AKAP13: variants seen among roughly 807,000 people sequenced by gnomAD.
AKAP13 encodes the protein A-kinase anchor protein 13.
In AKAP13, 80 loss-of-function variants were observed where a neutral mutation model predicts 264.5. That is an observed-to-expected ratio of 0.30 (90% CI 0.25 to 0.36). AKAP13 has a LOEUF of 0.36. AKAP13 is among the 10% of genes least tolerant of loss of function. The probability of loss-of-function intolerance (pLI) is 1.00; values close to 1 mark genes in which losing one functional copy is unlikely to be tolerated. For synonymous variants in AKAP13, 1,380 were observed against 1,250.2 expected (o/e 1.10, Z -2.19); for missense variants, 3,712 against 3,435.2 (o/e 1.08, Z -2.01).
chr15:85,749,212 AGAT>A lies in AKAP13; in HGVS notation c.*4536_*4538del, dbSNP rs1337199839. 1 of 152,272 alleles carries A rather than the reference AGAT, an allele frequency of 6.6e-6. No homozygotes were observed. The highest frequency in any genetic ancestry group is 1.5e-5 in the Non-Finnish European group (1 of 68,046). The allele number at this position is 152,272 out of a possible 1,614,324, so 9.4% of individuals were successfully genotyped here. ...AAAGTGAAGCAGTTTTAAACTGTAAAGATTTTTTTCAGTGTGTTTTCTCGAATT... is the reference window on the plus strand; with the variant it reads ...AAAGTGAAGCAGTTTTAAACTGTAAATTTTTTCAGTGTGTTTTCTCGAATT... On this transcript the variant is annotated 3_prime_UTR_variant, in exon 37 of 37. Coordinates refer to ENST00000394518, the MANE Select transcript of AKAP13 (RefSeq NM_007200.5).
chr15:85,461,220 A>G (rs558984293), intron 1 of AKAP13, among the ~76,000 whole-genome samples: 39 of 152,200 alleles, frequency 2.6e-4, no homozygotes, highest in African/African-American at 8.9e-4. Flanking sequence ...GGTTCAAGCA[A>G]TTCTCCTGCC....
chr15:85,626,224 C>T (rs1455357521), intron 8 of AKAP13, among the ~76,000 whole-genome samples: 2 of 152,228 alleles, frequency 1.3e-5, no homozygotes, highest in South Asian at 2.1e-4. Flanking sequence ...TCTCTAACTG[C>T]TGCTCATTCA....
intron 1 of AKAP13, among the ~76,000 whole-genome samples, chr15:85,425,166 G>A (rs571748005): frequency 6.6e-6 from 1 of 152,228 alleles, no homozygotes; most frequent in Admixed American, 6.5e-5. Context: ...GCTTGATGTA[G>A]GGTTGCCACA....
chr15:85,730,134 A>G lies in AKAP13; in HGVS notation c.7088-379A>G, dbSNP rs375590774. Among the ~76,000 whole-genome samples the G allele has an allele frequency of 1.5e-3, 226 of 152,334 alleles. 1 individual carries two copies. Among genetic ancestry groups the G allele is most frequent in the African/African-American group, 5.2e-3 (217 of 41,582 alleles). ...GTTTTAAAGGAAGAAGTAATCATCA[A>G]TGCTGGAAAAAACAACCTAAAAGAC... On this transcript the variant is annotated intron_variant, in intron 29 of 36. Transcript: ENST00000394518.
chr15:85,676,080 T>G (rs1275029767), intron 14 of AKAP13, among the ~76,000 whole-genome samples: 2 of 151,994 alleles, frequency 1.3e-5, no homozygotes, highest in Non-Finnish European at 2.9e-5. Context: ...CCCAGCTAAT[T>G]TTTTGTATTT....
intron 1 of AKAP13, among the ~76,000 whole-genome samples, chr15:85,417,036 C>A (rs2072272517): frequency 6.6e-6 from 1 of 152,136 alleles, no homozygotes; most frequent in African/African-American, 2.4e-5. Flanking sequence ...TTGTTTCATT[C>A]CTTTCCAAAA....
intron 2 of AKAP13, among the ~76,000 whole-genome samples, chr15:85,503,415 T>C (rs1034928184): frequency 6.6e-6 from 1 of 152,222 alleles, no homozygotes; most frequent in Non-Finnish European, 1.5e-5. Flanking sequence ...AGCAATGCTG[T>C]CCATTCTGTA....
rs1428381623 is a variant in AKAP13 at position 85,618,450 on chromosome 15, TC to T, written c.4162-20922del. ...TGTCAGCAGCTCCTAGAAAGAGAAA[TC>T]CTTTTTTTTTTTTAATCCCTTTTTC... On this transcript the variant is annotated intron_variant, in intron 8 of 36. Coordinates refer to ENST00000394518, the MANE Select transcript of AKAP13 (RefSeq NM_007200.5). Among the ~76,000 whole-genome samples, 6 of 90,706 alleles carry T rather than the reference TC, an allele frequency of 6.6e-5. No individual in the cohort carries two copies. In the East Asian group the frequency reaches 1.8e-3, roughly 28 times the overall value. 59.5% of individuals were successfully genotyped at this position (90,706 alleles called of 152,430 possible).
intron 36 of AKAP13, 105 bp from the exon 37 acceptor site, chr15:85,744,523 C>G (rs1301546255): frequency 1.6e-6 from 2 of 1,231,786 alleles, no homozygotes; most frequent in South Asian, 1.2e-5. Flanking sequence ...GCCCATAAGC[C>G]CCAGTCGCCT....
intron 1 of AKAP13, among the ~76,000 whole-genome samples, chr15:85,396,323 TTCA>T (rs1333372002): frequency 6.6e-6 from 1 of 152,158 alleles, no homozygotes; most frequent in Non-Finnish European, 1.5e-5. Context: ...CTTCAGCAAC[TTCA>T]TCATTGGCAT....
chr15:85,415,685 C>CAGT, intron 1 of AKAP13: 1 of 963,430 alleles, frequency 1.0e-6, no homozygotes, highest in South Asian at 1.4e-5. Flanking sequence ...TGACCAAGCT[C>CAGT]AGTTCAATGA....
intron 1 of AKAP13, among the ~76,000 whole-genome samples, chr15:85,406,015 C>G (rs1386308814): frequency 6.6e-6 from 1 of 152,104 alleles, no homozygotes; most frequent in Non-Finnish European, 1.5e-5. Flanking sequence ...GCCCAACTAA[C>G]TTTGTAATTT....
chr15:85,549,319 A>G (rs1300775498), intron 5 of AKAP13, among the ~76,000 whole-genome samples: 6 of 152,224 alleles, frequency 3.9e-5, no homozygotes, highest in African/African-American at 1.4e-4. Context: ...TTCCACCCTT[A>G]TAAGAAGAGT....
intron 33 of AKAP13, among the ~76,000 whole-genome samples, chr15:85,738,467 T>G (rs952922038): frequency 6.6e-5 from 10 of 152,194 alleles, no homozygotes; most frequent in Non-Finnish European, 1.3e-4. Context: ...TTTTGTGTTT[T>G]GTTTTTAAAT....
chr15:85,456,526 T>TG (rs2074284132), intron 1 of AKAP13, among the ~76,000 whole-genome samples: 1 of 150,980 alleles, frequency 6.6e-6, no homozygotes, highest in African/African-American at 2.4e-5. Context: ...CCAAAGGCAG[T>TG]GTTCCCAGAG....
chr15:85,559,392 G>GT (rs887176272), intron 5 of AKAP13, among the ~76,000 whole-genome samples: 6 of 152,160 alleles, frequency 3.9e-5, no homozygotes, highest in Non-Finnish European at 8.8e-5. Flanking sequence ...GTGGAAGACA[G>GT]TTTTTTCATG....
At chr15:85,629,715 G>A (rs1383847187) in intron 8 of AKAP13, among the ~76,000 whole-genome samples, 1 of 143,988 alleles carries the variant, frequency 6.9e-6, no homozygotes, top group Admixed American at 7.0e-5. Flanking sequence ...CTATGGGATG[G>A]TACTTTAAAG....
intron 18 of AKAP13, 168 bp from the exon 19 acceptor site, chr15:85,710,411 G>A (rs777656511): frequency 1.8e-6 from 1 of 570,302 alleles, no homozygotes; most frequent in Non-Finnish European, 3.1e-6. Context: ...GTACGTGGCA[G>A]GCTTAGAGGA....
rs761483183 is a variant in AKAP13 at position 85,655,421 on chromosome 15, A to T, written c.4379A>T (p.Glu1460Val). The change falls in exon 11 of 37, where the codon GAG (glutamate) becomes GTG (valine). Residue 1460 changes from glutamate (E) to valine (V), a missense_variant. Physicochemically the swap from Glu to Val is moderately radical, Grantham distance 121. Transcript: ENST00000394518. ...DMDSIIFPKP[E>V]EEHLACDITG... ...TGTGCTTTCTCTCCATTACAGCCAG[A>T]GGAAGAGCATTTGGCCTGTGATATC... The T allele has an allele frequency of 6.2e-7, 1 of 1,612,970 alleles. No homozygotes were observed. Among genetic ancestry groups the T allele is most frequent in the Non-Finnish European group, 8.5e-7 (1 of 1,179,056 alleles).
Sources: allele counts gnomAD v4.1 joint callset (sites outside exome capture counted in the v4.1 genomes callset), GRCh38; gene constraint gnomAD v4.1.1; transcripts MANE v1.5; gene names NCBI Gene and HGNC (gene_info 2026-07-23, HGNC 2026-07-21).